LAMP3: variants seen among roughly 807,000 people sequenced by gnomAD.
The protein encoded by LAMP3 is lysosome-associated membrane glycoprotein 3.
In LAMP3, 26 loss-of-function variants were observed where a neutral mutation model predicts 34.8. That is an observed-to-expected ratio of 0.75 (90% CI 0.55 to 1.04). LAMP3 has a LOEUF of 1.04. LAMP3 is among the 50% of genes least tolerant of loss of function. LAMP3 has a pLI of 0.00. For missense variants in LAMP3, 495 were observed against 524.0 expected, an observed-to-expected ratio of 0.94 and a Z score of 0.54; for synonymous variants, 180 against 201.9, an observed-to-expected ratio of 0.89 and a Z score of 0.92.
chr3:183,157,956 C>T (rs1005201397), intron 1 of LAMP3, among the ~76,000 whole-genome samples: 10 of 152,046 alleles, frequency 6.6e-5, no homozygotes, highest in African/African-American at 2.2e-4. Flanking sequence ...GTTGAGATGT[C>T]TTGATACGGT....
At chr3:183,162,054 G>A (rs1720991542) in intron 1 of LAMP3, 2 of 783,162 alleles carry the variant, frequency 2.6e-6, no homozygotes, top group African/African-American at 1.9e-5. Context: ...CTTCATCACA[G>A]GGACAACACC....
intron 5 of LAMP3, among the ~76,000 whole-genome samples, chr3:183,125,165 G>C (rs1719753764): frequency 6.6e-6 from 1 of 152,166 alleles, no homozygotes; most frequent in African/African-American, 2.4e-5. Context: ...GAAGTTGATA[G>C]AATACTCTAA....
At chr3:183,150,126 G>C (rs1720584878) in intron 3 of LAMP3, among the ~76,000 whole-genome samples, 1 of 152,130 alleles carries the variant, frequency 6.6e-6, no homozygotes, top group Non-Finnish European at 1.5e-5. Flanking sequence ...TCCTGAAGCT[G>C]GGTGAATGGA....
At chr3:183,133,689 T>G (rs1719994550) in intron 5 of LAMP3, among the ~76,000 whole-genome samples, 1 of 152,154 alleles carries the variant, frequency 6.6e-6, no homozygotes, top group Non-Finnish European at 1.5e-5. Flanking sequence ...GCTGCTCAGA[T>G]AGCTTGGGGC....
chr3:183,155,354 T>C (rs1478980542), intron 1 of LAMP3, among the ~76,000 whole-genome samples: 3 of 152,258 alleles, frequency 2.0e-5, no homozygotes, highest in Admixed American at 2.0e-4. Context: ...CTTGTTGTTT[T>C]CTCAATACAG....
At chr3:183,138,811 C>G (rs1720181949) in intron 4 of LAMP3, among the ~76,000 whole-genome samples, 1 of 152,178 alleles carries the variant, frequency 6.6e-6, no homozygotes, top group Admixed American at 6.5e-5. Flanking sequence ...GCCTGGCTCT[C>G]TGTCCCTCGA....
At chr3:183,154,509 T>TG in intron 1 of LAMP3, 118 bp from the exon 2 acceptor site, 1 of 758,282 alleles carries the variant, frequency 1.3e-6, no homozygotes, top group East Asian at 2.7e-5. Flanking sequence ...TTTTTATACT[T>TG]GGGGGAAATT....
chr3:183,158,474 AC>A (rs1720883384), intron 1 of LAMP3, among the ~76,000 whole-genome samples: 1 of 89,642 alleles, frequency 1.1e-5, no homozygotes, highest in South Asian at 4.1e-4. Context: ...TCATCTGCCC[AC>A]CCCCACCCCA....
chr3:183,134,309 G>A (rs1395677592), intron 5 of LAMP3, among the ~76,000 whole-genome samples: 2 of 66,272 alleles, frequency 3.0e-5, no homozygotes, highest in East Asian at 3.1e-4. Flanking sequence ...TCCAGTTAAT[G>A]ATGGTTTTAA....
intron 3 of LAMP3, among the ~76,000 whole-genome samples, chr3:183,141,852 A>T (rs1720293310): frequency 1.3e-5 from 2 of 152,140 alleles, no homozygotes; most frequent in Admixed American, 1.3e-4. Context: ...CATGAGAGAA[A>T]ATGAGGCTGG....
In LAMP3 at chr3:183,154,268, T is replaced by G. The variant is rs1398552152; in HGVS notation, c.173A>C (p.Gln58Pro). 6.2e-7 allele frequency: 1 copy of G among 1,614,170 alleles called. No homozygotes were observed. The highest frequency in any genetic ancestry group is 1.7e-5 in the Admixed American group (1 of 60,004). The change falls in exon 2 of 6, where the codon CAA becomes CCA. Residue 58 changes from glutamine to proline, a missense_variant. Physicochemically the swap from Gln to Pro is moderately conservative, Grantham distance 76. Coordinates refer to ENST00000265598, the MANE Select transcript of LAMP3 (RefSeq NM_014398.4). ...IKKPVQQPAK[Q>P]APHQTLAARF... is the part of the protein sequence containing the mutation. ...TGCTGCTAAAGTTTGGTGAGGTGCT[T>G]GCTTAGCTGGTTGCTGGACAGGTTT...
At chr3:183,154,509 T>C in intron 1 of LAMP3, 118 bp from the exon 2 acceptor site, 1 of 758,284 alleles carries the variant, frequency 1.3e-6, no homozygotes, top group Non-Finnish European at 2.1e-6. Flanking sequence ...TTTTTATACT[T>C]GGGGGAAATT....
intron 1 of LAMP3, chr3:183,161,911 C>T (rs1027078498): frequency 1.0e-6 from 1 of 974,156 alleles, no homozygotes; most frequent in African/African-American, 1.8e-5. Flanking sequence ...GCTGGCACGA[C>T]CCTTCTCACC....
intron 3 of LAMP3, among the ~76,000 whole-genome samples, chr3:183,149,189 G>A (rs1720535069): frequency 6.6e-6 from 1 of 151,954 alleles, no homozygotes; most frequent in Admixed American, 6.6e-5. Flanking sequence ...GTTACCAGAG[G>A]CTGGAAAGGG....
intron 3 of LAMP3, among the ~76,000 whole-genome samples, chr3:183,143,758 A>T (rs568792471): frequency 6.6e-6 from 1 of 152,348 alleles, no homozygotes; most frequent in Admixed American, 6.5e-5. Flanking sequence ...TGAGGCTTAG[A>T]CAATTGTACC....
At chr3:183,128,866 G>A (rs536213563) in intron 5 of LAMP3, among the ~76,000 whole-genome samples, 1 of 152,166 alleles carries the variant, frequency 6.6e-6, no homozygotes, top group African/African-American at 2.4e-5. Context: ...TATTCCTGAA[G>A]GCTGTTTATT....
At chr3:183,162,528 C>T in intron 1 of LAMP3, 79 bp downstream of exon 1, 1 of 1,414,300 alleles carries the variant, frequency 7.1e-7, no homozygotes, top group Non-Finnish European at 9.7e-7. Flanking sequence ...TCCTGTGGCG[C>T]CCGGGACTCC....
chr3:183,153,427 G>T (rs1167357124), intron 2 of LAMP3, among the ~76,000 whole-genome samples: 1 of 152,154 alleles, frequency 6.6e-6, no homozygotes, highest in Non-Finnish European at 1.5e-5. Flanking sequence ...CTCTGCCCAT[G>T]TTGGCTAAAA....
chr3:183,148,848 C>T (rs1041877738), intron 3 of LAMP3, among the ~76,000 whole-genome samples: 1 of 152,168 alleles, frequency 6.6e-6, no homozygotes, highest in African/African-American at 2.4e-5. Flanking sequence ...TAGATATATA[C>T]CCCAAAGAAA....
Sources: allele counts gnomAD v4.1 joint callset (sites outside exome capture counted in the v4.1 genomes callset), GRCh38; gene constraint gnomAD v4.1.1; transcripts MANE v1.5; gene names NCBI Gene and HGNC (gene_info 2026-07-23, HGNC 2026-07-21).